Variants in LARGE1 observed in about 807,000 individuals in gnomAD.
LARGE1 encodes LARGE xylosyl- and glucuronyltransferase 1.
In LARGE1, 43 loss-of-function variants were observed where a neutral mutation model predicts 87.6. That is an observed-to-expected ratio of 0.49 (90% confidence interval 0.38 to 0.63). The LOEUF is 0.63. Ranked by LOEUF, LARGE1 falls within the 30% of genes least tolerant of loss-of-function variation. The pLI is 0.00. For synonymous variants in LARGE1, 434 were observed against 394.6 expected, an observed-to-expected ratio of 1.10 and a Z score of -1.18; for missense variants, 802 against 1,000.2, an observed-to-expected ratio of 0.80 and a Z score of 2.67.
chr22:33,693,422 A>C (rs1603174682), intron 2 of LARGE1, among the ~76,000 whole-genome samples: 3 of 152,022 alleles, frequency 2.0e-5, no homozygotes, highest in Admixed American at 6.5e-5. Flanking sequence ...AATTAAAAAG[A>C]GGGAGGGAGT....
chr22:33,343,570 T>TA (rs1569077278), intron 9 of LARGE1, among the ~76,000 whole-genome samples: 1 of 152,232 alleles, frequency 6.6e-6, no homozygotes. Flanking sequence ...AGCCCCCTAC[T>TA]GTCCTTACTC....
intron 2 of LARGE1, among the ~76,000 whole-genome samples, chr22:33,693,564 G>A (rs2082159134): frequency 6.6e-6 from 1 of 152,226 alleles, no homozygotes; most frequent in South Asian, 2.1e-4. Context: ...GGTGGCTCAC[G>A]CCTGTGATCC....
In LARGE1 at chr22:33,273,719, TG is replaced by T. The variant is rs756058008; in HGVS notation, c.*707del. The stretch of plus-strand genomic sequence containing the variant: ...TGGGCCACTGCTGATAGAGGGTGGT[TG>T]GTAGAGGCAGCTGATTTTCCTTTAG... On this transcript the variant is annotated 3_prime_UTR_variant, in exon 15 of 15. Coordinates refer to ENST00000397394, the MANE Select transcript of LARGE1 (RefSeq NM_133642.5). 1.6e-4 allele frequency: 65 copies of T among 398,652 alleles called. No homozygotes were observed. The highest frequency in any genetic ancestry group is 4.4e-4 in the Admixed American group (10 of 22,822). The allele number at this position is 398,652 out of a possible 1,614,324, so 24.7% of individuals were successfully genotyped here.
chr22:33,277,851 C>T (rs773365525), intron 13 of LARGE1, among the ~76,000 whole-genome samples: 1 of 152,218 alleles, frequency 6.6e-6, no homozygotes, highest in Non-Finnish European at 1.5e-5. Flanking sequence ...TGAAAAGGAA[C>T]TCCTGGAGGG....
At chr22:33,170,879 G>A (rs1267704365) in intron 11 of LARGE1, among the ~76,000 whole-genome samples, 5 of 152,182 alleles carry the variant, frequency 3.3e-5, no homozygotes, top group South Asian at 2.1e-4. Flanking sequence ...AACAGACAGC[G>A]GTTGGAACAG....
At chr22:33,672,249 G>A (rs1223009805) in intron 2 of LARGE1, among the ~76,000 whole-genome samples, 1 of 152,106 alleles carries the variant, frequency 6.6e-6, no homozygotes, top group Non-Finnish European at 1.5e-5. Context: ...ATGGTCAGAG[G>A]ACCAGAGACT....
intron 3 of LARGE1, among the ~76,000 whole-genome samples, chr22:33,645,249 T>C (rs1032443836): frequency 1.3e-5 from 2 of 152,068 alleles, no homozygotes; most frequent in African/African-American, 4.8e-5. Flanking sequence ...AACAGATATA[T>C]AGACCAATGA....
intron 2 of LARGE1, among the ~76,000 whole-genome samples, chr22:33,756,525 C>A (rs553677942): frequency 2.6e-5 from 4 of 151,872 alleles, no homozygotes; most frequent in Non-Finnish European, 5.9e-5. Flanking sequence ...GGCAGCCAGA[C>A]AAAGAAGAGG....
intron 11 of LARGE1, among the ~76,000 whole-genome samples, chr22:33,168,912 G>A (rs1402310579): frequency 6.6e-6 from 1 of 152,198 alleles, no homozygotes; most frequent in Non-Finnish European, 1.5e-5. Flanking sequence ...ATTGAACATA[G>A]TAAAGCAGAA....
chr22:33,458,056 G>T (rs1015443377), intron 6 of LARGE1, among the ~76,000 whole-genome samples: 2 of 151,892 alleles, frequency 1.3e-5, no homozygotes, highest in Non-Finnish European at 2.9e-5. Context: ...CATCTAACTT[G>T]GTGCCAGATA....
chr22:33,084,969 G>A, the LARGE1 span, among the ~76,000 whole-genome samples: 1 of 152,042 alleles, frequency 6.6e-6, no homozygotes, highest in South Asian at 2.1e-4. Context: ...ATTTTATAAA[G>A]CATATTCTCA....
At chr22:33,151,341 G>A in the LARGE1 span, among the ~76,000 whole-genome samples, 1 of 152,126 alleles carries the variant, frequency 6.6e-6, no homozygotes, top group Non-Finnish European at 1.5e-5. Flanking sequence ...AGTACTAAGA[G>A]TTTCCTTTGT....
chr22:33,590,697 C>T (rs2078811320), intron 5 of LARGE1, among the ~76,000 whole-genome samples: 1 of 152,196 alleles, frequency 6.6e-6, no homozygotes, highest in Admixed American at 6.5e-5. Flanking sequence ...ACTGGCATTG[C>T]TGTATGTGCC....
chr22:33,839,473 C>T (rs1345581258), intron 1 of LARGE1, among the ~76,000 whole-genome samples: 1 of 152,182 alleles, frequency 6.6e-6, no homozygotes, highest in East Asian at 1.9e-4. Context: ...GAGAAAAAAG[C>T]ATGTTTTCCT....
chr22:33,214,117 A>G (rs1925091769), intron 11 of LARGE1, among the ~76,000 whole-genome samples: 1 of 152,216 alleles, frequency 6.6e-6, no homozygotes, highest in South Asian at 2.1e-4. Context: ...AATGTCTTCA[A>G]GGTGTACCTA....
intron 6 of LARGE1, among the ~76,000 whole-genome samples, chr22:33,548,281 C>A (rs891460874): frequency 6.6e-6 from 1 of 152,228 alleles, no homozygotes; most frequent in African/African-American, 2.4e-5. Context: ...TGCCTGCCCC[C>A]GCTCTGCCTT....
intron 1 of LARGE1, among the ~76,000 whole-genome samples, chr22:33,839,749 C>G (rs763347180): frequency 1.3e-5 from 2 of 152,176 alleles, no homozygotes; most frequent in African/African-American, 4.8e-5. Flanking sequence ...TCAAATCACA[C>G]GTTTACATGA....
chr22:33,621,814 G>C lies in LARGE1; in HGVS notation c.491+4430C>G, dbSNP rs569002312. On this transcript the variant is annotated intron_variant, in intron 4 of 14. Transcript: ENST00000397394. ...GAACTTCTGTGGTAATTTGGTCCAA[G>C]GTGGTCAGTAGTCATTAAAATGGTG... is the stretch of plus-strand genomic sequence containing the variant. Among the ~76,000 whole-genome samples the C allele has an allele frequency of 6.6e-5, 10 of 152,292 alleles. No individual in the cohort carries two copies. The South Asian group carries it at 2.1e-3, about 32-fold the overall frequency.
chr22:33,676,371 GCAAAAAAAAAA>G (rs2081577384), intron 2 of LARGE1, among the ~76,000 whole-genome samples: 1 of 17,532 alleles, frequency 5.7e-5, no homozygotes, highest in South Asian at 2.8e-3. Flanking sequence ...AGATTCAATG[GCAAAAAAAAAA>G]AAAAAAAAAA....
Sources: gnomAD v4.1 joint callset for allele counts (sites outside exome capture counted in the v4.1 genomes callset) on GRCh38, gnomAD v4.1.1 for gene constraint, MANE v1.5 for transcripts, NCBI Gene and HGNC (gene_info 2026-07-23, HGNC 2026-07-21) for gene names.